Variants in ZNF267 observed in about 807,000 individuals in gnomAD.
ZNF267 encodes zinc finger protein 267.
Under a neutral mutation model 71.6 loss-of-function variants are expected in ZNF267, and 61 were observed. The observed-to-expected ratio is 0.85, with a 90% CI of 0.69 to 1.05. ZNF267 has a LOEUF of 1.05. Ranked by LOEUF, ZNF267 falls within the 50% of genes least tolerant of loss-of-function variation. The probability of loss-of-function intolerance (pLI) is 0.00; values close to 1 mark genes in which losing one functional copy is unlikely to be tolerated. For synonymous variants in ZNF267, 288 were observed against 293.2 expected (o/e 0.98, Z 0.18); for missense variants, 852 against 870.0 (o/e 0.98, Z 0.26).
chr16:31,912,127 C>T (rs751698695), intron 3 of ZNF267: 2 of 151,588 alleles, frequency 1.3e-5, no homozygotes, highest in Non-Finnish European at 2.9e-5. Context: ...TTTCTCTGTG[C>T]TATTACCAAT....
Position 31,873,974 on chromosome 16 carries a change from G to A in ZNF267, c.3+5G>A. 1.2e-6 allele frequency: 2 copies of A among 1,612,878 alleles called. No individual in the cohort carries two copies. Among genetic ancestry groups the A allele is most frequent in the Non-Finnish European group, 1.7e-6 (2 of 1,179,146 alleles). On this transcript the variant is annotated splice_donor_5th_base_variant and intron_variant, in intron 1 of 3. Coordinates refer to ENST00000300870, the MANE Select transcript of ZNF267 (RefSeq NM_003414.6). ...CATCCCGGAAGCTGGGAAATGGTGA[G>A]TGTGCGGGGTCGGGGGTCCCCAGAG...
At chr16:31,888,204 A>G (rs1254281604) in intron 3 of ZNF267, among the ~76,000 whole-genome samples, 1 of 151,950 alleles carries the variant, frequency 6.6e-6, no homozygotes. Context: ...TAATTTTTGT[A>G]TATTTTTGTG....
rs2084180657 is a variant in ZNF267 at position 31,916,619 on chromosome 16, C to G, written c.*138C>G. 1.1e-6 allele frequency: 1 copy of G among 870,474 alleles called. No individual in the cohort carries two copies. Among genetic ancestry groups the G allele is most frequent in the Non-Finnish European group, 1.7e-6 (1 of 585,024 alleles). The allele number at this position is 870,474 out of a possible 1,614,324, so 53.9% of individuals were successfully genotyped here. ...ACTATTTTCAAGCCTTACACAATAG[C>G]AGAGAATATAAACTGAAAAAATCCA... On this transcript the variant is annotated 3_prime_UTR_variant, in exon 4 of 4. Transcript: ENST00000300870.
chr16:31,895,564 T>C (rs2142344865), intron 3 of ZNF267, among the ~76,000 whole-genome samples: 1 of 152,350 alleles, frequency 6.6e-6, no homozygotes, highest in South Asian at 2.1e-4. Context: ...CTATAGTGGC[T>C]ATACTAATTT....
chr16:31,880,037 A>G (rs1428640744), intron 1 of ZNF267, among the ~76,000 whole-genome samples: 1 of 152,182 alleles, frequency 6.6e-6, no homozygotes, highest in Non-Finnish European at 1.5e-5. Flanking sequence ...CTTCACAGCA[A>G]TACACAAGAA....
chr16:31,904,381 A>G (rs1478491900), intron 3 of ZNF267, among the ~76,000 whole-genome samples: 2 of 152,174 alleles, frequency 1.3e-5, no homozygotes, highest in African/African-American at 4.8e-5. Context: ...AATGTTGACA[A>G]TGGGTTGTTA....
At chr16:31,896,676 A>G (rs1443649517) in intron 3 of ZNF267, among the ~76,000 whole-genome samples, 1 of 152,176 alleles carries the variant, frequency 6.6e-6, no homozygotes, top group East Asian at 1.9e-4. Flanking sequence ...AGTTTACTGT[A>G]GCTTTGTCGT....
chr16:31,914,857 T>G lies in ZNF267; in HGVS notation c.608T>G (p.Leu203Arg). Residue 203 changes from leucine (L) to arginine (R), a missense_variant, in exon 4 of 4, where the codon CTA becomes CGA. Transcript: ENST00000300870. ...GTGTTATTTAGGCAGGTCTCTACTC[T>G]AAATAGTTACCGAAATGTTTTTATT... Reference protein sequence around the residue: ...TSVLFRQVSTLNSYRNVFIGE... With the variant: ...TSVLFRQVSTRNSYRNVFIGE... 6.2e-7 allele frequency: 1 copy of G among 1,611,452 alleles called. No homozygotes were observed. Among genetic ancestry groups the G allele is most frequent in the East Asian group, 2.2e-5 (1 of 44,830 alleles).
rs2142365035 is a variant in ZNF267, at chr16:31,915,394, G to T, written c.1145G>T (p.Cys382Phe). The change falls in exon 4 of 4, where the codon TGT becomes TTT. Residue 382 changes from cysteine (C) to phenylalanine (F), a missense_variant. By Grantham distance (205) the Cys-to-Phe change is radical. Coordinates refer to ENST00000300870, the MANE Select transcript of ZNF267 (RefSeq NM_003414.6). ...GATACTGGAGAAAACCTTTACAAAT[G>T]TAAAGCATGTAGCAAATCTTTTACT... is the stretch of plus-strand genomic sequence containing the variant. ...QIDTGENLYK[C>F]KACSKSFTRS... 6.2e-7 allele frequency: 1 copy of T among 1,613,602 alleles called. No homozygotes were observed. Among genetic ancestry groups the T allele is most frequent in the South Asian group, 1.1e-5 (1 of 91,028 alleles).
intron 1 of ZNF267, among the ~76,000 whole-genome samples, chr16:31,883,288 G>A (rs1367032128): frequency 6.6e-6 from 1 of 151,472 alleles, no homozygotes; most frequent in Non-Finnish European, 1.5e-5. Context: ...CTTTATAAAG[G>A]CATCACAAAA....
At chr16:31,884,763 T>G (rs2083912402) in intron 2 of ZNF267, 139 bp downstream of exon 2, 1 of 866,576 alleles carries the variant, frequency 1.2e-6, no homozygotes, top group Admixed American at 3.3e-5. Context: ...TTTGTTGAAG[T>G]AGAAAAAATT....
chr16:31,884,393 A>G (rs2083909357), intron 1 of ZNF267, 105 bp from the exon 2 acceptor site: 3 of 1,378,302 alleles, frequency 2.2e-6, no homozygotes, highest in Non-Finnish European at 3.0e-6. Flanking sequence ...TGAATAATTC[A>G]GGTCACTCAT....
At chr16:31,907,864 G>A (rs960659727) in intron 3 of ZNF267, among the ~76,000 whole-genome samples, 7 of 151,254 alleles carry the variant, frequency 4.6e-5, no homozygotes, top group East Asian at 1.9e-4. Flanking sequence ...ATGAAACCCC[G>A]TCTCTACTAA....
intron 3 of ZNF267, among the ~76,000 whole-genome samples, chr16:31,906,784 C>T (rs1372155140): frequency 6.6e-6 from 1 of 151,972 alleles, no homozygotes; most frequent in East Asian, 2.0e-4. Context: ...CACCCACCGT[C>T]CTGCATCCAC....
At position 31,916,066 on chromosome 16, in the gene ZNF267, GT is replaced by G; in HGVS notation, c.1818del (p.Cys606Ter). 6.2e-7 allele frequency: 1 copy of G among 1,614,130 alleles called. No homozygotes were observed. Among genetic ancestry groups the G allele is most frequent in the Non-Finnish European group, 8.5e-7 (1 of 1,180,008 alleles). On this transcript the variant is annotated frameshift_variant, in exon 4 of 4. Transcript: ENST00000300870. LOFTEE classifies it high-confidence loss of function. The part of the protein sequence containing the change: ...RTHTGEKPYT[C>X]KECGKAFSYS... ...CATACTGGAGAGAAACCCTATACAT[GT>G]AAAGAATGTGGCAAAGCCTTTAGTT... is the stretch of plus-strand genomic sequence containing the variant.
chr16:31,916,209 C>T lies in ZNF267; in HGVS notation c.1960C>T (p.His654Tyr). ...RSYLTTHQRS[H>Y]TGERPYKCEE... ...ATACCTCACTACACATCAGAGAAGT[C>T]ATACTGGAGAGAGACCCTACAAATG... Residue 654 changes from histidine to tyrosine, a missense_variant, in exon 4 of 4, where the codon CAT becomes TAT. His to Tyr is a moderately conservative substitution (Grantham distance 83). Transcript: ENST00000300870. 1 of 1,614,148 alleles carries T rather than the reference C, an allele frequency of 6.2e-7. No homozygotes were observed. Among genetic ancestry groups the T allele is most frequent in the South Asian group, 1.1e-5 (1 of 91,080 alleles).
chr16:31,911,601 C>T (rs1174445643), intron 3 of ZNF267, among the ~76,000 whole-genome samples: 1 of 150,974 alleles, frequency 6.6e-6, no homozygotes, highest in Non-Finnish European at 1.5e-5. Flanking sequence ...TTGGGTCTTC[C>T]TTTTTCTTTT....
At chr16:31,882,821 A>G (rs540656828) in intron 1 of ZNF267, among the ~76,000 whole-genome samples, 2 of 152,350 alleles carry the variant, frequency 1.3e-5, no homozygotes, top group East Asian at 3.9e-4. Flanking sequence ...CACTTGGTGC[A>G]GGTGCTCTCT....
Position 31,914,734 on chromosome 16 carries a change from T to G in ZNF267, c.485T>G (p.Phe162Cys). ...ILSSCAKSYN[F>C]DQYRKVFTHS... ...TCTTCTTGTGCCAAAAGCTATAACT[T>G]TGATCAATATAGGAAGGTCTTTACT... is the stretch of plus-strand genomic sequence containing the variant. Residue 162 changes from phenylalanine to cysteine, a missense_variant, in exon 4 of 4, where the codon TTT (phenylalanine) becomes TGT (cysteine). Coordinates refer to ENST00000300870, the MANE Select transcript of ZNF267 (RefSeq NM_003414.6). The G allele has an allele frequency of 6.2e-7, 1 of 1,614,134 alleles. No homozygotes were observed. Among genetic ancestry groups the G allele is most frequent in the South Asian group, 1.1e-5 (1 of 91,086 alleles).
Sources: gnomAD v4.1 joint callset for allele counts (sites outside exome capture counted in the v4.1 genomes callset) on GRCh38, gnomAD v4.1.1 for gene constraint, MANE v1.5 for transcripts, NCBI Gene and HGNC (gene_info 2026-07-23, HGNC 2026-07-21) for gene names.